FAM47E: variants seen among roughly 807,000 people sequenced by gnomAD.
The protein encoded by FAM47E is family with sequence similarity 47 member E, also known as protein FAM47E.
In FAM47E, 32 loss-of-function variants were observed where a neutral mutation model predicts 41.6. That is an observed-to-expected ratio of 0.77 (90% CI 0.58 to 1.03). FAM47E has a LOEUF of 1.03. FAM47E is among the 50% of genes least tolerant of loss of function. FAM47E has a pLI of 0.00. For synonymous variants in FAM47E, 184 were observed against 188.7 expected, an observed-to-expected ratio of 0.98 and a Z score of 0.20; for missense variants, 424 against 485.4, an observed-to-expected ratio of 0.87 and a Z score of 1.19.
At chr4:76,265,320 G>A (rs1475775272) in intron 3 of FAM47E, among the ~76,000 whole-genome samples, 3 of 152,132 alleles carry the variant, frequency 2.0e-5, no homozygotes, top group Non-Finnish European at 4.4e-5. Context: ...GCCTTGCAGG[G>A]GACTGGGTGG....
At position 76,268,514 on chromosome 4, in the gene FAM47E, A is replaced by G. The variant is rs182113748; in HGVS notation, c.561-146A>G. On this transcript the variant is annotated intron_variant, in intron 3 of 7. Coordinates refer to ENST00000424749, the MANE Select transcript of FAM47E (RefSeq NM_001136570.3). ...TTCGTAATGAGAATGTGCTCTTTGA[A>G]AAATTAAAATACAATTTGTATGTGA... The G allele has an allele frequency of 3.4e-3, 2,643 of 778,034 alleles. 9 individuals are homozygous for G. The highest frequency in any genetic ancestry group is 3.9e-3 in the Non-Finnish European group (1,985 of 508,618). The allele number at this position is 778,034 out of a possible 1,614,324, so 48.2% of individuals were successfully genotyped here.
intron 2 of FAM47E, among the ~76,000 whole-genome samples, chr4:76,224,736 T>A (rs1374705955): frequency 6.6e-6 from 1 of 151,994 alleles, no homozygotes; most frequent in African/African-American, 2.4e-5. Context: ...CTAATTTTTG[T>A]TATTTTATTT....
chr4:76,277,307 A>AC (rs1159473078), intron 5 of FAM47E, among the ~76,000 whole-genome samples: 3 of 151,962 alleles, frequency 2.0e-5, no homozygotes, highest in Non-Finnish European at 4.4e-5. Context: ...ACATGGTGAA[A>AC]CCCCGTCTCT....
intron 2 of FAM47E, among the ~76,000 whole-genome samples, chr4:76,224,089 G>T (rs892647844): frequency 1.3e-5 from 2 of 152,212 alleles, no homozygotes; most frequent in African/African-American, 4.8e-5. Flanking sequence ...AGAATGTGAC[G>T]TGCATCACAG....
intron 2 of FAM47E, among the ~76,000 whole-genome samples, chr4:76,238,696 G>A (rs1356142075): frequency 6.6e-6 from 1 of 152,126 alleles, no homozygotes; most frequent in Non-Finnish European, 1.5e-5. Flanking sequence ...AGTCATGTTA[G>A]GTACAGAGAC....
intron 3 of FAM47E, among the ~76,000 whole-genome samples, chr4:76,265,398 T>C (rs1578788697): frequency 6.6e-6 from 1 of 152,222 alleles, no homozygotes; most frequent in Non-Finnish European, 1.5e-5. Context: ...TCGTCTATCA[T>C]GGCTGCTGTT....
chr4:76,245,206 C>A (rs1407855351), intron 2 of FAM47E, among the ~76,000 whole-genome samples: 1 of 151,978 alleles, frequency 6.6e-6, no homozygotes, highest in African/African-American at 2.4e-5. Context: ...AAGTAACATA[C>A]GTATCAGAGT....
intron 2 of FAM47E, among the ~76,000 whole-genome samples, chr4:76,260,876 A>G (rs1734382133): frequency 6.6e-6 from 1 of 152,050 alleles, no homozygotes; most frequent in Admixed American, 6.6e-5. Flanking sequence ...AGAAAAAACA[A>G]TTCTATTAAA....
intron 2 of FAM47E, among the ~76,000 whole-genome samples, chr4:76,227,457 T>TC (rs1435925652): frequency 6.6e-6 from 1 of 152,246 alleles, no homozygotes; most frequent in East Asian, 1.9e-4. Flanking sequence ...TTGTGGCCTA[T>TC]CATATGGTCT....
chr4:76,254,914 C>G lies in FAM47E; in HGVS notation c.75-1264C>G, dbSNP rs144906558. ...GTCTCTTCCATCTCATCTATATGCC[C>G]TAACTACTCAATGCTAACAGGGCGC... On this transcript the variant is annotated intron_variant, in intron 1 of 7. Coordinates refer to ENST00000424749, the MANE Select transcript of FAM47E (RefSeq NM_001136570.3). Among the ~76,000 whole-genome samples, 111 of 152,210 alleles carry G rather than the reference C, an allele frequency of 7.3e-4. No homozygotes were observed. In the East Asian group the frequency reaches 0.02, roughly 27 times the overall value.
At chr4:76,251,593 G>C (rs919446550), upstream of FAM47E, 36 of 1,310,660 alleles carry the variant, frequency 2.7e-5, no homozygotes, top group Non-Finnish European at 3.5e-5. Context: ...CCAGGCGTCG[G>C]AGAAGGGGTT....
At chr4:76,263,964 CA>C in intron 3 of FAM47E, 121 bp downstream of exon 3, 1 of 1,407,704 alleles carries the variant, frequency 7.1e-7, no homozygotes, top group Non-Finnish European at 9.4e-7. Flanking sequence ...ACTAAGTTCC[CA>C]AGGAAGAGGG....
chr4:76,238,564 A>G (rs1441920), intron 2 of FAM47E, among the ~76,000 whole-genome samples: 18,035 of 152,174 alleles, frequency 0.12, 1,404 homozygotes, highest in East Asian at 0.34. Flanking sequence ...AAAGGTAACT[A>G]TGAGTCCAAC....
At chr4:76,255,613 G>A (rs147963209) in intron 1 of FAM47E, among the ~76,000 whole-genome samples, 2,125 of 152,162 alleles carry the variant, frequency 0.014, 55 homozygotes, top group African/African-American at 0.046. Context: ...GGTTCTTCCC[G>A]CTCAACTGCA....
At chr4:76,278,017 T>C (rs1181268486) in intron 5 of FAM47E, 52 bp from the exon 6 acceptor site, 32 of 1,407,640 alleles carry the variant, frequency 2.3e-5, no homozygotes, top group Admixed American at 6.6e-5. Context: ...ATTTTTGAAA[T>C]GACAAACAAA....
In FAM47E at chr4:76,281,895, G is replaced by A. The variant is rs1735363056; in HGVS notation, c.1105-1486G>A. 2.0e-5 allele frequency: 3 copies of A among 152,108 alleles called. No homozygotes were observed. In the South Asian group the frequency reaches 6.2e-4, roughly 32 times the overall value. The allele number at this position is 152,108 out of a possible 1,614,324, so 9.4% of individuals were successfully genotyped here. On this transcript the variant is annotated intron_variant, in intron 7 of 7. Transcript: ENST00000424749. The stretch of plus-strand genomic sequence containing the variant: ...GGGTCCAGGGGTGTCACCGCCTTCT[G>A]GTCCCACGGTGCCAACAATGCACTG...
chr4:76,272,607 C>T (rs1578797916), intron 5 of FAM47E, among the ~76,000 whole-genome samples: 3 of 152,272 alleles, frequency 2.0e-5, no homozygotes. Flanking sequence ...GAAAACTATG[C>T]ATTTCATCAT....
chr4:76,280,107 T>C (rs562498351), intron 6 of FAM47E, 157 bp from the exon 7 acceptor site: 1 of 503,782 alleles, frequency 2.0e-6, no homozygotes, highest in African/African-American at 1.9e-5. Context: ...GCCTTCATAT[T>C]CATCAACTCA....
At chr4:76,267,181 A>G (rs940330620) in intron 3 of FAM47E, among the ~76,000 whole-genome samples, 5 of 152,222 alleles carry the variant, frequency 3.3e-5, no homozygotes, top group Non-Finnish European at 7.3e-5. Context: ...GTCTGTGCTT[A>G]CTGAATATTT....
Sources: allele counts gnomAD v4.1 joint callset (sites outside exome capture counted in the v4.1 genomes callset), GRCh38; gene constraint gnomAD v4.1.1; transcripts MANE v1.5; gene names NCBI Gene and HGNC (gene_info 2026-07-23, HGNC 2026-07-21).